Variants in GBE1 observed in about 807,000 individuals in gnomAD.
GBE1 encodes the protein 1,4-alpha-glucan-branching enzyme.
A neutral mutation model predicts 88.8 loss-of-function variants in GBE1; 70 were observed. The ratio of observed to expected loss-of-function variants is 0.79; its 90% CI spans 0.65 to 0.96. The LOEUF is 0.96. GBE1 is among the 40% of genes least tolerant of loss of function. The probability of loss-of-function intolerance (pLI) is 0.00; values close to 1 mark genes in which losing one functional copy is unlikely to be tolerated. For synonymous variants in GBE1, 284 were observed against 300.1 expected, an observed-to-expected ratio of 0.95 and a Z score of 0.56; for missense variants, 872 against 871.0, an observed-to-expected ratio of 1.00 and a Z score of -0.01.
At position 81,660,352 on chromosome 3, in the gene GBE1, A is replaced by G. The variant is rs114753298; in HGVS notation, c.430-10431T>C. ...CTTTCATCCTTCCTTGTTCAGATAT[A>G]TCTAAATATTTAAACATAAATGCCC... is the stretch of plus-strand genomic sequence containing the variant. On this transcript the variant is annotated intron_variant, in intron 3 of 15. Coordinates refer to ENST00000429644, the MANE Select transcript of GBE1 (RefSeq NM_000158.4). 9.0e-3 allele frequency among the ~76,000 whole-genome samples: 1,377 copies of G among 152,328 alleles called. 22 individuals are homozygous for G. The highest frequency in any genetic ancestry group is 0.031 in the African/African-American group (1,295 of 41,582).
intron 1 of GBE1, among the ~76,000 whole-genome samples, chr3:81,738,826 G>A (rs1706310432): frequency 6.6e-6 from 1 of 152,134 alleles, no homozygotes; most frequent in Non-Finnish European, 1.5e-5. Flanking sequence ...ACAAAATTAA[G>A]GGTTAGGAAA....
intron 12 of GBE1, among the ~76,000 whole-genome samples, chr3:81,558,212 G>C (rs1487011682): frequency 1.3e-5 from 2 of 151,796 alleles, no homozygotes; most frequent in Admixed American, 1.3e-4. Flanking sequence ...TCATTTCCTA[G>C]TTCTTTTATT....
At chr3:81,680,766 G>C (rs1470639188) in intron 2 of GBE1, among the ~76,000 whole-genome samples, 1 of 152,112 alleles carries the variant, frequency 6.6e-6, no homozygotes, top group Non-Finnish European at 1.5e-5. Flanking sequence ...CTCATGAATG[G>C]GATTAGTACC....
At chr3:81,530,071 T>C (rs2106861790) in intron 14 of GBE1, among the ~76,000 whole-genome samples, 1 of 152,016 alleles carries the variant, frequency 6.6e-6, no homozygotes, top group African/African-American at 2.4e-5. Flanking sequence ...TCAAGCTCAC[T>C]AATTCTTCTG....
intron 3 of GBE1, among the ~76,000 whole-genome samples, chr3:81,655,526 T>C (rs920829708): frequency 6.6e-5 from 10 of 152,122 alleles, no homozygotes; most frequent in African/African-American, 2.4e-4. Context: ...GTTGTTGTTG[T>C]TGTTGTTGTT....
chr3:81,756,186 G>A (rs1033284870), intron 1 of GBE1, among the ~76,000 whole-genome samples: 6 of 152,136 alleles, frequency 3.9e-5, no homozygotes, highest in Non-Finnish European at 8.8e-5. Context: ...AGTCTCTGAT[G>A]AGTATGAAAG....
rs1403373691 is a variant in GBE1, at chr3:81,648,986, C to T, written c.561G>A (p.Lys187=). 6.4e-7 allele frequency: 1 copy of T among 1,568,638 alleles called. No homozygotes were observed. The highest frequency in any genetic ancestry group is 8.7e-7 in the Non-Finnish European group (1 of 1,152,564). The change falls in exon 5 of 16, where the codon AAG becomes AAA. Residue 187 remains lysine, a synonymous_variant. Coordinates refer to ENST00000429644, the MANE Select transcript of GBE1 (RefSeq NM_000158.4). ...HWDPEHSYEF[K]HSRPKKPRSL... ...TCCGTGGCTTCTTTGGTCTGGAATGCTTAAACTACAGAATATAAAATTATG... is the reference window on the plus strand; with the variant it reads ...TCCGTGGCTTCTTTGGTCTGGAATGTTTAAACTACAGAATATAAAATTATG...
At chr3:81,685,251 C>A (rs1705416306) in intron 2 of GBE1, among the ~76,000 whole-genome samples, 1 of 152,134 alleles carries the variant, frequency 6.6e-6, no homozygotes, top group South Asian at 2.1e-4. Flanking sequence ...ACTCTCAAAC[C>A]TATGCACTGA....
At position 81,504,517 on chromosome 3, in the gene GBE1, T is replaced by A. The variant is rs192672476; in HGVS notation, c.1935-5290A>T. Among the ~76,000 whole-genome samples the A allele has an allele frequency of 4.3e-3, 653 of 151,972 alleles. 5 individuals carry two copies. Among genetic ancestry groups the A allele is most frequent in the African/African-American group, 0.015 (627 of 41,510 alleles). Reference sequence around the variant, plus strand: ...AAAATTTTTTAATAGTTTTTTTTTTTAAAGGAGATCAAATAGGTCCCTATC... The same window carrying A: ...AAAATTTTTTAATAGTTTTTTTTTTAAAAGGAGATCAAATAGGTCCCTATC... On this transcript the variant is annotated intron_variant, in intron 14 of 15. Transcript: ENST00000429644.
chr3:81,758,627 A>C (rs1432554544), intron 1 of GBE1, among the ~76,000 whole-genome samples: 1 of 152,276 alleles, frequency 6.6e-6, no homozygotes, highest in Non-Finnish European at 1.5e-5. Flanking sequence ...ATAACAACTA[A>C]TTGTAGTGTA....
At chr3:81,588,200 T>G (rs373040907) in intron 9 of GBE1, among the ~76,000 whole-genome samples, 1 of 152,252 alleles carries the variant, frequency 6.6e-6, no homozygotes, top group East Asian at 1.9e-4. Flanking sequence ...TAATCTTATT[T>G]CTGCATAGTT....
Position 81,670,862 on chromosome 3 carries a change from G to T in GBE1, c.405C>A (p.Leu135=). The change falls in exon 3 of 16, where the codon CTC becomes CTA. Residue 135 remains leucine (L), a synonymous_variant. Coordinates refer to ENST00000429644, the MANE Select transcript of GBE1 (RefSeq NM_000158.4). ...YIPPKQNKSV[L]VPHGSKLKVV... Reference sequence around the variant, plus strand: ...CCTTTAATTTGGATCCATGAGGCACGAGTACAGATTTATTCTGCTTTGGTG... The same window carrying T: ...CCTTTAATTTGGATCCATGAGGCACTAGTACAGATTTATTCTGCTTTGGTG... 6.4e-7 allele frequency: 1 copy of T among 1,565,858 alleles called. No individual in the cohort carries two copies. The highest frequency in any genetic ancestry group is 8.6e-7 in the Non-Finnish European group (1 of 1,160,758).
At chr3:81,686,766 T>C (rs1397092139) in intron 2 of GBE1, among the ~76,000 whole-genome samples, 2 of 151,854 alleles carry the variant, frequency 1.3e-5, no homozygotes, top group East Asian at 1.9e-4. Flanking sequence ...AAAAATAAAA[T>C]AAAATAAAAT....
chr3:81,562,627 T>C (rs1703435361), intron 12 of GBE1, among the ~76,000 whole-genome samples: 1 of 152,064 alleles, frequency 6.6e-6, no homozygotes, highest in South Asian at 2.1e-4. Flanking sequence ...TGCCTTGCTC[T>C]GAGTAAATTT....
Position 81,670,628 on chromosome 3 carries a change from T to A in GBE1, c.429+210A>T, listed in dbSNP as rs1705176501. On this transcript the variant is annotated intron_variant, in intron 3 of 15. Coordinates refer to ENST00000429644, the MANE Select transcript of GBE1 (RefSeq NM_000158.4). ...TCCAAACTTGTGATAATAATACAACTAAGTTTGGTTCCTTACCAGCCAAAC... is the reference window on the plus strand; with the variant it reads ...TCCAAACTTGTGATAATAATACAACAAAGTTTGGTTCCTTACCAGCCAAAC... Among the ~76,000 whole-genome samples, 3 of 152,154 alleles carry A rather than the reference T, an allele frequency of 2.0e-5. No homozygotes were observed. The South Asian group carries it at 6.2e-4, about 31-fold the overall frequency.
intron 7 of GBE1, among the ~76,000 whole-genome samples, chr3:81,620,185 ATT>A (rs5850530): frequency 8.7e-4 from 124 of 142,736 alleles, no homozygotes; most frequent in East Asian, 8.3e-4. Context: ...CATGGAAATA[ATT>A]TTTTTTTTTT....
At chr3:81,612,530 A>G (rs1367954689) in intron 7 of GBE1, 1 of 922,142 alleles carries the variant, frequency 1.1e-6, no homozygotes. Flanking sequence ...CTTCTCCCCA[A>G]GCAGTGCGAA....
Position 81,541,461 on chromosome 3 carries a change from C to A in GBE1, c.1619-4366G>T, listed in dbSNP as rs547874531. Among the ~76,000 whole-genome samples the A allele has an allele frequency of 1.4e-3, 208 of 151,456 alleles. 1 individual carries two copies. Among genetic ancestry groups the A allele is most frequent in the African/African-American group, 4.5e-3 (186 of 41,314 alleles). On this transcript the variant is annotated intron_variant, in intron 12 of 15. Transcript: ENST00000429644. ...ATGGGCTGCAAGTTGCCCCCCCCGC[C>A]ACCTCGCCCAAATTCATATGTTGAA...
chr3:81,658,150 T>C (rs972056892), intron 3 of GBE1, among the ~76,000 whole-genome samples: 8 of 152,128 alleles, frequency 5.3e-5, no homozygotes, highest in Non-Finnish European at 1.5e-5. Flanking sequence ...CTTTCCAAGG[T>C]TGAATCCATA....
Sources: allele counts gnomAD v4.1 joint callset (sites outside exome capture counted in the v4.1 genomes callset), GRCh38; gene constraint gnomAD v4.1.1; transcripts MANE v1.5; gene names NCBI Gene and HGNC (gene_info 2026-07-23, HGNC 2026-07-21).